CSMD1: variants seen among roughly 807,000 people sequenced by gnomAD.
CSMD1 encodes the protein CUB and Sushi multiple domains 1.
CSMD1 carries 213 observed loss-of-function variants against 417.5 expected under a neutral mutation model. That is an observed-to-expected ratio of 0.51 (90% CI 0.46 to 0.57). The LOEUF (loss-of-function observed/expected upper bound fraction) is 0.57. CSMD1 is among the 20% of genes least tolerant of loss of function. The pLI, the probability that CSMD1 is intolerant of heterozygous loss-of-function variation, is 0.00. For missense variants in CSMD1, 6,923 were observed against 4,529.7 expected, an observed-to-expected ratio of 1.53 and a Z score of -15.17; for synonymous variants, 2,862 against 1,736.8, an observed-to-expected ratio of 1.65 and a Z score of -16.11.
At chr8:4,839,537 T>G (rs182175336) in intron 1 of CSMD1, among the ~76,000 whole-genome samples, 71 of 152,252 alleles carry the variant, frequency 4.7e-4, no homozygotes, top group African/African-American at 1.7e-3. Flanking sequence ...AATTTCTTTT[T>G]CCACAAGAAT....
At chr8:3,559,795 G>C (rs1563154230) in intron 10 of CSMD1, among the ~76,000 whole-genome samples, 2 of 152,114 alleles carry the variant, frequency 1.3e-5, no homozygotes, top group Non-Finnish European at 2.9e-5. Flanking sequence ...AATGGAGAGT[G>C]AGGAGAGACA....
At chr8:3,159,278 C>T (rs935719815) in intron 38 of CSMD1, among the ~76,000 whole-genome samples, 1 of 152,038 alleles carries the variant, frequency 6.6e-6, no homozygotes, top group Non-Finnish European at 1.5e-5. Context: ...TTCCGATGAG[C>T]GATTCTAGCT....
chr8:4,103,419 G>C (rs2130885481), intron 3 of CSMD1, among the ~76,000 whole-genome samples: 1 of 151,122 alleles, frequency 6.6e-6, no homozygotes, highest in East Asian at 1.9e-4. Context: ...TCTAAACCTT[G>C]GCTTTTTTGT....
chr8:4,427,252 G>A (rs148803230), intron 2 of CSMD1, among the ~76,000 whole-genome samples: 2 of 152,198 alleles, frequency 1.3e-5, no homozygotes, highest in African/African-American at 2.4e-5. Context: ...ATGGTCCTCA[G>A]TCCAAGAGAT....
At chr8:4,432,141 G>C (rs547481198) in intron 2 of CSMD1, among the ~76,000 whole-genome samples, 1 of 152,270 alleles carries the variant, frequency 6.6e-6, no homozygotes, top group South Asian at 2.1e-4. Context: ...CCTTGCTAAA[G>C]CATGCATGGA....
chr8:3,632,174 G>T (rs760011534), intron 7 of CSMD1, among the ~76,000 whole-genome samples: 3 of 152,100 alleles, frequency 2.0e-5, no homozygotes, highest in Non-Finnish European at 4.4e-5. Context: ...AAAATTCAAA[G>T]AGCTATAGCA....
chr8:3,527,873 C>G (rs1223422585), intron 10 of CSMD1, among the ~76,000 whole-genome samples: 2 of 152,198 alleles, frequency 1.3e-5, no homozygotes, highest in Non-Finnish European at 2.9e-5. Flanking sequence ...AAACAGGTTT[C>G]TCAGCCTCAG....
At chr8:4,182,669 C>T (rs1584974876) in intron 3 of CSMD1, among the ~76,000 whole-genome samples, 1 of 151,966 alleles carries the variant, frequency 6.6e-6, no homozygotes, top group East Asian at 1.9e-4. Context: ...AATAGATTCA[C>T]AAATTGTGAA....
chr8:2,949,447 C>CT, intron 67 of CSMD1, 61 bp from the exon 68 acceptor site: 1 of 803,702 alleles, frequency 1.2e-6, no homozygotes, highest in Admixed American at 2.5e-5. Flanking sequence ...GAATAATATC[C>CT]TCTTTTAATA....
chr8:3,709,680 G>GGTTTTTTTTTTTTTTTTTTTT (rs1554518393), intron 6 of CSMD1, among the ~76,000 whole-genome samples: 1 of 33,694 alleles, frequency 3.0e-5, no homozygotes, highest in Non-Finnish European at 5.7e-5. Context: ...GCAGCAGCAT[G>GGTTTTTTTTTTTTTTTTTTTT]TTTTTTTTTT....
chr8:4,713,673 G>A (rs370925534), intron 1 of CSMD1, among the ~76,000 whole-genome samples: 14 of 152,190 alleles, frequency 9.2e-5, no homozygotes, highest in East Asian at 5.8e-4. Flanking sequence ...CAGAGGTCAG[G>A]ACCCAGAGCT....
rs532781584 is a variant in CSMD1 at position 4,194,387 on chromosome 8, G to C, written c.416-162288C>G. On this transcript the variant is annotated intron_variant, in intron 3 of 69. Transcript: ENST00000635120. ...GTTGATATTGCTCACATTGGCATCA[G>C]TCATGAAACAATGGACACTCCAAAT... 2.6e-5 allele frequency among the ~76,000 whole-genome samples: 4 copies of C among 152,214 alleles called. No homozygotes were observed. In the South Asian group the frequency reaches 6.2e-4, roughly 24 times the overall value.
chr8:4,230,313 T>C (rs1801638905), intron 3 of CSMD1, among the ~76,000 whole-genome samples: 1 of 152,200 alleles, frequency 6.6e-6, no homozygotes, highest in Admixed American at 6.5e-5. Flanking sequence ...AATTAATCTA[T>C]CCAATTAATC....
chr8:3,693,318 T>A (rs912033433), intron 7 of CSMD1, among the ~76,000 whole-genome samples: 2 of 152,190 alleles, frequency 1.3e-5, no homozygotes, highest in Non-Finnish European at 2.9e-5. Context: ...AATATATATA[T>A]GATAATTTTT....
At chr8:4,741,688 C>T (rs957421130) in intron 1 of CSMD1, among the ~76,000 whole-genome samples, 1 of 152,100 alleles carries the variant, frequency 6.6e-6, no homozygotes, top group Non-Finnish European at 1.5e-5. Context: ...ACATCTTTTC[C>T]ATTGTCTTCA....
Position 4,688,710 on chromosome 8 carries a change from CCACA to C in CSMD1, c.86-51156_86-51153del, listed in dbSNP as rs1487702890. Among the ~76,000 whole-genome samples, 8 of 152,248 alleles carry C rather than the reference CCACA, an allele frequency of 5.3e-5. No individual in the cohort carries two copies. The South Asian group carries it at 1.0e-3, about 20-fold the overall frequency. On this transcript the variant is annotated intron_variant, in intron 1 of 69. Coordinates refer to ENST00000635120, the MANE Select transcript of CSMD1 (RefSeq NM_033225.6). ...TTTCATATGAGATTCGTGTAGCACTCCACAAATGTCATCTCATTACCTCATGCAG... is the reference window on the plus strand; with the variant it reads ...TTTCATATGAGATTCGTGTAGCACTCAATGTCATCTCATTACCTCATGCAG...
rs149625592 is a variant in CSMD1 at position 4,876,036 on chromosome 8, A to G, written c.85+118296T>C. 2.9e-3 allele frequency among the ~76,000 whole-genome samples: 445 copies of G among 152,176 alleles called. 10 individuals are homozygous for G. The South Asian group carries it at 0.039, about 13-fold the overall frequency. ...AAGTTAGAATTTTAGTAAGGGGAAA[A>G]AACCTATCAATTCAATTCTTCAGAA... is the stretch of plus-strand genomic sequence containing the variant. On this transcript the variant is annotated intron_variant, in intron 1 of 69. Coordinates refer to ENST00000635120, the MANE Select transcript of CSMD1 (RefSeq NM_033225.6).
At chr8:3,465,912 T>C (rs1411773806) in intron 12 of CSMD1, among the ~76,000 whole-genome samples, 2 of 152,138 alleles carry the variant, frequency 1.3e-5, no homozygotes, top group Non-Finnish European at 2.9e-5. Flanking sequence ...TGAGAAAATG[T>C]CGAGAGCTGT....
At chr8:3,916,057 T>C (rs1271279603) in intron 5 of CSMD1, among the ~76,000 whole-genome samples, 1 of 151,842 alleles carries the variant, frequency 6.6e-6, no homozygotes, top group African/African-American at 2.4e-5. Context: ...CATAATACTT[T>C]GCTTTTCAAA....
Sources: gnomAD v4.1 joint callset for allele counts (sites outside exome capture counted in the v4.1 genomes callset) on GRCh38, gnomAD v4.1.1 for gene constraint, MANE v1.5 for transcripts, NCBI Gene and HGNC (gene_info 2026-07-23, HGNC 2026-07-21) for gene names.